The following COL18A1 variants were observed in gnomAD, a reference collection of about 807,000 sequenced individuals.
The protein encoded by COL18A1 is collagen alpha-1(XVIII) chain.
Under a neutral mutation model 168.0 loss-of-function variants are expected in COL18A1, and 133 were observed. The ratio of observed to expected loss-of-function variants is 0.79; its 90% confidence interval spans 0.69 to 0.91. The LOEUF (loss-of-function observed/expected upper bound fraction) is 0.91. COL18A1 is among the 40% of genes least tolerant of loss of function. The pLI is 0.00. For synonymous variants in COL18A1, 949 were observed against 809.0 expected (o/e 1.17, Z -2.94); for missense variants, 2,126 against 1,925.4 (o/e 1.10, Z -1.95).
chr21:45,506,551 C>T lies in COL18A1; in HGVS notation c.3216+585C>T, dbSNP rs534318237. On this transcript the variant is annotated intron_variant, in intron 37 of 41. Transcript: ENST00000651438. ...GGTGGCAGGAGTGGCCGCTCTGATC[C>T]AGGTGGGTGCGGCCATGCTTGCAGG... The T allele has an allele frequency of 3.2e-4, 63 of 196,042 alleles. No homozygotes were observed. The East Asian group carries it at 7.4e-3, about 23-fold the overall frequency. 12.1% of individuals were successfully genotyped at this position (196,042 alleles called of 1,614,324 possible). A position where few individuals can be genotyped will look rare whatever the true frequency, so the allele number is the denominator to read the frequency against.
At chr21:45,433,597 A>G (rs746351479) in intron 2 of COL18A1, among the ~76,000 whole-genome samples, 1 of 152,196 alleles carries the variant, frequency 6.6e-6, no homozygotes, top group South Asian at 2.1e-4. Flanking sequence ...GGCTTGTCCT[A>G]TGAGAAGAGC....
Position 45,488,073 on chromosome 21 carries a change from C to T in COL18A1, c.1897-345C>T, listed in dbSNP as rs536341639. Among the ~76,000 whole-genome samples the T allele has an allele frequency of 1.3e-3, 203 of 152,270 alleles. 1 individual carries two copies. Among genetic ancestry groups the T allele is most frequent in the African/African-American group, 4.8e-3 (199 of 41,572 alleles). On this transcript the variant is annotated intron_variant, in intron 17 of 41. Transcript: ENST00000651438. ...CTCCACACCACCAGCGCTCTCGTGGCGCCAGCATGGAGGAGCCCCCGGGGC... is the reference window on the plus strand; with the variant it reads ...CTCCACACCACCAGCGCTCTCGTGGTGCCAGCATGGAGGAGCCCCCGGGGC...
chr21:45,482,415 G>GTC, intron 14 of COL18A1: 1 of 595,954 alleles, frequency 1.7e-6, no homozygotes, highest in South Asian at 1.6e-5. Flanking sequence ...CTGGGGAGCG[G>GTC]TCTCCAGCAT....
chr21:45,495,672 A>G (rs1161389872), intron 29 of COL18A1: 4 of 514,786 alleles, frequency 7.8e-6, no homozygotes, highest in African/African-American at 3.9e-5. Flanking sequence ...GCACATATAC[A>G]CATGCATCTA....
chr21:45,444,285 G>A (rs543131877), intron 2 of COL18A1, among the ~76,000 whole-genome samples: 26 of 152,158 alleles, frequency 1.7e-4, no homozygotes, highest in Middle Eastern at 3.2e-3. Flanking sequence ...ACGGGTGTGC[G>A]TGTGGAGTGA....
intron 6 of COL18A1, among the ~76,000 whole-genome samples, chr21:45,476,740 G>C (rs1282668108): frequency 6.6e-6 from 1 of 151,198 alleles, no homozygotes; most frequent in African/African-American, 2.4e-5. Flanking sequence ...ATGCATGTGG[G>C]CATGTGTGTG....
At chr21:45,507,818 C>T (rs2037313633) in intron 38 of COL18A1, among the ~76,000 whole-genome samples, 1 of 152,230 alleles carries the variant, frequency 6.6e-6, no homozygotes, top group African/African-American at 2.4e-5. Flanking sequence ...CACGAGGGAG[C>T]CCCTCTCATC....
Position 45,505,942 on chromosome 21 carries a change from G to A in COL18A1, c.3192G>A (p.Val1064=), listed in dbSNP as rs749599145. ...VAEQEELYVR[V]QNGFRKVQLE... is the part of the protein sequence containing the mutation. Reference sequence around the variant, plus strand: ...AGCAGGAGGAGCTCTACGTCCGCGTGCAGAACGGGTTCCGGAAGGTCCAGG... The same window carrying A: ...AGCAGGAGGAGCTCTACGTCCGCGTACAGAACGGGTTCCGGAAGGTCCAGG... The change falls in exon 37 of 42, where the codon GTG becomes GTA. Residue 1064 remains valine, a synonymous_variant. Coordinates refer to ENST00000651438, the MANE Select transcript of COL18A1 (RefSeq NM_001379500.1). 6.2e-7 allele frequency: 1 copy of A among 1,613,254 alleles called. No homozygotes were observed. Among genetic ancestry groups the A allele is most frequent in the Non-Finnish European group, 8.5e-7 (1 of 1,179,972 alleles).
At chr21:45,408,870 C>A (rs546181605) in intron 2 of COL18A1, among the ~76,000 whole-genome samples, 19 of 152,350 alleles carry the variant, frequency 1.2e-4, no homozygotes, top group African/African-American at 4.6e-4. Context: ...AACCTCACAG[C>A]TGTGGGGGAT....
intron 33 of COL18A1, 47 bp from the exon 34 acceptor site, chr21:45,504,369 C>G (rs1277486440): frequency 2.0e-5 from 32 of 1,590,010 alleles, no homozygotes; most frequent in Non-Finnish European, 2.7e-5. Flanking sequence ...CCACCTGTGG[C>G]TTGTAGGGGT....
rs1229583904 is a variant in COL18A1 at position 45,494,817 on chromosome 21, G to A, written c.2380-45G>A. 1.9e-6 allele frequency: 3 copies of A among 1,570,860 alleles called. No individual in the cohort carries two copies. The African/African-American group carries it at 4.1e-5, about 21-fold the overall frequency. On this transcript the variant is annotated intron_variant, in intron 27 of 41. Transcript: ENST00000651438. ...CCAGGACCCCCCAACTCGTGGTCAA[G>A]GGCCAGGGTCTGCCCCACTAAGCCT... is the stretch of plus-strand genomic sequence containing the variant.
At chr21:45,472,199 G>A (rs1484488822) in intron 3 of COL18A1, among the ~76,000 whole-genome samples, 3 of 151,732 alleles carry the variant, frequency 2.0e-5, no homozygotes, top group Non-Finnish European at 4.4e-5. Flanking sequence ...CGCCCGGGCT[G>A]CCCCAGTGGA....
At chr21:45,490,201 C>T (rs998964373) in intron 19 of COL18A1, 74 bp from the exon 20 acceptor site, 10 of 1,289,540 alleles carry the variant, frequency 7.8e-6, no homozygotes, top group South Asian at 2.5e-5. Flanking sequence ...ACGGGTGCCC[C>T]GGACTCCTCG....
chr21:45,431,800 C>T (rs536079806), intron 2 of COL18A1, among the ~76,000 whole-genome samples: 82 of 152,196 alleles, frequency 5.4e-4, no homozygotes, highest in African/African-American at 4.6e-4. Context: ...CTAAGCCGCG[C>T]GCATTGGTGG....
intron 28 of COL18A1, 164 bp downstream of exon 28, chr21:45,495,079 G>T: frequency 1.4e-6 from 1 of 697,056 alleles, no homozygotes; most frequent in Non-Finnish European, 2.5e-6. Flanking sequence ...TGTCCTGGAT[G>T]TGGCTGGCAG....
intron 37 of COL18A1, chr21:45,506,280 C>T (rs2037198215): frequency 5.1e-6 from 2 of 395,950 alleles, no homozygotes; most frequent in South Asian, 2.1e-5. Flanking sequence ...AGACAAGGCG[C>T]CTGACGGGAC....
In COL18A1 at chr21:45,470,993, C is replaced by T. The variant is rs1032993071; in HGVS notation, c.651+2207C>T. Among the ~76,000 whole-genome samples the T allele has an allele frequency of 7.2e-4, 93 of 129,984 alleles. 1 individual carries two copies. The highest frequency in any genetic ancestry group is 3.8e-4 in the Admixed American group (5 of 13,000). 85.3% of individuals were successfully genotyped at this position (129,984 alleles called of 152,430 possible). On this transcript the variant is annotated intron_variant, in intron 3 of 41. Coordinates refer to ENST00000651438, the MANE Select transcript of COL18A1 (RefSeq NM_001379500.1). ...GGCGTGGGTGGCGCGCTACAGGCTT[C>T]GTGCTGCTGGGCCTGGGTGGCGTGC...
intron 2 of COL18A1, among the ~76,000 whole-genome samples, chr21:45,437,496 A>ACT (rs1769846866): frequency 1.2e-5 from 1 of 86,930 alleles, no homozygotes; most frequent in Non-Finnish European, 2.2e-5. Flanking sequence ...TCACACTCAC[A>ACT]CACAGGCACT....
In COL18A1 at chr21:45,492,681, C is replaced by T. The variant is rs763820819; in HGVS notation, c.2188-6C>T. On this transcript the variant is annotated splice_polypyrimidine_tract_variant and splice_region_variant and intron_variant, in intron 23 of 41. Transcript: ENST00000651438. ...ACCCCAGCTGACGCCGTCCCTCTTT[C>T]CCCAGGGCCGGCCGGGTTTCGCAGG... 14 of 1,611,090 alleles carry T rather than the reference C, an allele frequency of 8.7e-6. No individual in the cohort carries two copies. The highest frequency in any genetic ancestry group is 1.1e-5 in the Non-Finnish European group (13 of 1,179,150).
Sources: gnomAD v4.1 joint callset for allele counts (sites outside exome capture counted in the v4.1 genomes callset) on GRCh38, gnomAD v4.1.1 for gene constraint, MANE v1.5 for transcripts, NCBI Gene and HGNC (gene_info 2026-07-23, HGNC 2026-07-21) for gene names.